HDAC9: variants seen among roughly 807,000 people sequenced by gnomAD.
HDAC9 encodes the protein histone deacetylase 9, also known as MEF-2 interacting transcription repressor (MITR) protein.
In HDAC9, 41 loss-of-function variants were observed where a neutral mutation model predicts 139.4. The ratio of observed to expected loss-of-function variants is 0.29; its 90% CI spans 0.23 to 0.38. The LOEUF (loss-of-function observed/expected upper bound fraction) is 0.38, where lower values mean the gene tolerates loss of function less well. Ranked by LOEUF, HDAC9 falls within the 10% of genes least tolerant of loss-of-function variation. The pLI is 1.00. For missense variants in HDAC9, 1,147 were observed against 1,297.0 expected (o/e 0.88, Z 1.78); for synonymous variants, 517 against 476.2 (o/e 1.09, Z -1.12).
chr7:18,487,110 A>C (rs530805747), intron 1 of HDAC9, among the ~76,000 whole-genome samples: 1 of 152,184 alleles, frequency 6.6e-6, no homozygotes, highest in Non-Finnish European at 1.5e-5. Context: ...GGATATAAGG[A>C]AAAAGATACA....
chr7:18,369,844 C>T (rs546739914), intron 1 of HDAC9, among the ~76,000 whole-genome samples: 24 of 152,080 alleles, frequency 1.6e-4, no homozygotes, highest in African/African-American at 4.8e-4. Flanking sequence ...TGTTTGCATC[C>T]GTGTAACTGC....
At chr7:18,162,121 G>C in intron 1 of HDAC9, 1 of 563,886 alleles carries the variant, frequency 1.8e-6, no homozygotes, top group Non-Finnish European at 3.2e-6. Context: ...AAAGACACAT[G>C]GTCGCGCTGT....
At chr7:18,844,178 A>C (rs957232639) in intron 21 of HDAC9, among the ~76,000 whole-genome samples, 2 of 152,202 alleles carry the variant, frequency 1.3e-5, no homozygotes, top group African/African-American at 4.8e-5. Context: ...ATCCATTAGG[A>C]ATCTGCCCAT....
chr7:18,859,645 C>T (rs1247008295), intron 21 of HDAC9, among the ~76,000 whole-genome samples: 1 of 151,112 alleles, frequency 6.6e-6, no homozygotes, highest in Non-Finnish European at 1.5e-5. Flanking sequence ...TCCAAAGACA[C>T]AAACAGTTCC....
chr7:18,968,895 C>T (rs1480598825), intron 24 of HDAC9, among the ~76,000 whole-genome samples: 3 of 132,302 alleles, frequency 2.3e-5, no homozygotes, highest in Non-Finnish European at 4.6e-5. Context: ...GGAGGCAGAG[C>T]TTGCAGTGAG....
intron 11 of HDAC9, among the ~76,000 whole-genome samples, chr7:18,663,816 T>A (rs373113142): frequency 1.3e-5 from 2 of 152,112 alleles, no homozygotes; most frequent in Non-Finnish European, 2.9e-5. Context: ...TTGTATCTTT[T>A]CTCAGATAAA....
intron 16 of HDAC9, among the ~76,000 whole-genome samples, chr7:18,790,630 T>G (rs920981260): frequency 2.6e-5 from 4 of 152,228 alleles, no homozygotes; most frequent in African/African-American, 9.6e-5. Context: ...CAATTACCTA[T>G]TTATGAACAG....
chr7:18,922,681 G>A lies in HDAC9; in HGVS notation c.2804-13128G>A, dbSNP rs571262285. ...TATATTTGACCCTTAGAGAAACAAA[G>A]CAAAGTCCAGAGATGGGAATTGGCA... On this transcript the variant is annotated intron_variant, in intron 22 of 25. Coordinates refer to ENST00000686413, the MANE Select transcript of HDAC9 (RefSeq NM_178425.4). 2.6e-5 allele frequency among the ~76,000 whole-genome samples: 4 copies of A among 152,190 alleles called. No homozygotes were observed. The South Asian group carries it at 8.3e-4, about 32-fold the overall frequency.
chr7:18,413,539 A>G (rs1263347094), intron 1 of HDAC9, among the ~76,000 whole-genome samples: 2 of 152,196 alleles, frequency 1.3e-5, no homozygotes, highest in African/African-American at 4.8e-5. Context: ...CATCAACAGT[A>G]TGATAACATT....
intron 1 of HDAC9, among the ~76,000 whole-genome samples, chr7:18,314,848 T>G (rs576496100): frequency 6.6e-6 from 1 of 152,244 alleles, no homozygotes; most frequent in African/African-American, 2.4e-5. Flanking sequence ...AAATGAAGTT[T>G]GAAATTCGTG....
intron 1 of HDAC9, among the ~76,000 whole-genome samples, chr7:18,373,465 G>C (rs1353341074): frequency 6.6e-6 from 1 of 152,146 alleles, no homozygotes; most frequent in Non-Finnish European, 1.5e-5. Context: ...ACAAAAAGAT[G>C]TATATTTGGA....
intron 2 of HDAC9, among the ~76,000 whole-genome samples, chr7:18,262,295 C>T (rs1795731395): frequency 6.6e-6 from 1 of 152,174 alleles, no homozygotes; most frequent in Non-Finnish European, 1.5e-5. Context: ...CAGCTGATTT[C>T]TCTTCAGAGA....
At chr7:18,857,595 T>G (rs954792260) in intron 21 of HDAC9, among the ~76,000 whole-genome samples, 1 of 152,170 alleles carries the variant, frequency 6.6e-6, no homozygotes, top group Non-Finnish European at 1.5e-5. Context: ...ATATCTGTAT[T>G]AATGAACGCA....
At chr7:18,508,866 G>T (rs1323688258) in intron 2 of HDAC9, among the ~76,000 whole-genome samples, 1 of 152,142 alleles carries the variant, frequency 6.6e-6, no homozygotes, top group Non-Finnish European at 1.5e-5. Context: ...TTTAATTCAG[G>T]TAGATCATGG....
chr7:18,478,973 TGTC>T (rs1255064459), intron 1 of HDAC9, among the ~76,000 whole-genome samples: 2 of 152,146 alleles, frequency 1.3e-5, no homozygotes, highest in Non-Finnish European at 2.9e-5. Flanking sequence ...ATTATTGGGT[TGTC>T]TTTTCTTATT....
At chr7:18,502,732 CT>C (rs1798721251) in intron 2 of HDAC9, 2 of 152,024 alleles carry the variant, frequency 1.3e-5, no homozygotes, top group African/African-American at 2.4e-5. Flanking sequence ...AAGAAGCCCC[CT>C]AATAAAGAGA....
chr7:18,944,099 A>G (rs1338571085), intron 23 of HDAC9, among the ~76,000 whole-genome samples: 1 of 152,206 alleles, frequency 6.6e-6, no homozygotes. Context: ...AACATACACA[A>G]CTAATTGCAG....
intron 24 of HDAC9, among the ~76,000 whole-genome samples, chr7:18,955,899 G>A (rs772802164): frequency 1.3e-5 from 2 of 152,042 alleles, no homozygotes; most frequent in Admixed American, 6.6e-5. Context: ...CAGAAGTGAA[G>A]GACTCTATTT....
chr7:18,202,259 C>T (rs529069760), intron 2 of HDAC9, among the ~76,000 whole-genome samples: 1 of 152,294 alleles, frequency 6.6e-6, no homozygotes, highest in East Asian at 1.9e-4. Flanking sequence ...ATAGGTTTCA[C>T]TATTTCATTT....
Sources: allele counts gnomAD v4.1 joint callset (sites outside exome capture counted in the v4.1 genomes callset), GRCh38; gene constraint gnomAD v4.1.1; transcripts MANE v1.5; gene names NCBI Gene and HGNC (gene_info 2026-07-23, HGNC 2026-07-21).